ASB3: variants seen among roughly 807,000 people sequenced by gnomAD.
ASB3 encodes the protein ankyrin repeat and SOCS box protein 3.
In ASB3, 41 loss-of-function variants were observed where a neutral mutation model predicts 54.5. That is an observed-to-expected ratio of 0.75 (90% CI 0.59 to 0.98). The LOEUF is 0.98. Ranked by LOEUF, ASB3 falls within the 50% of genes least tolerant of loss-of-function variation. The pLI is 0.00. For synonymous variants in ASB3, 266 were observed against 221.2 expected, an observed-to-expected ratio of 1.20 and a Z score of -1.80; for missense variants, 733 against 620.0, an observed-to-expected ratio of 1.18 and a Z score of -1.94.
At chr2:53,761,289 T>C (rs1246743075) in intron 2 of ASB3, among the ~76,000 whole-genome samples, 1 of 152,238 alleles carries the variant, frequency 6.6e-6, no homozygotes, top group South Asian at 2.1e-4. Context: ...AGTCAAATCA[T>C]ATATCGCCTG....
At chr2:53,676,022 T>C (rs1343106226) in intron 9 of ASB3, among the ~76,000 whole-genome samples, 1 of 152,170 alleles carries the variant, frequency 6.6e-6, no homozygotes, top group Non-Finnish European at 1.5e-5. Flanking sequence ...TAGCTATTTA[T>C]CACCAAGAAA....
At chr2:53,682,153 C>A (rs1294739382) in intron 9 of ASB3, among the ~76,000 whole-genome samples, 1 of 146,012 alleles carries the variant, frequency 6.8e-6, no homozygotes, top group Non-Finnish European at 1.5e-5. Context: ...AAACGAGACT[C>A]CGTCTCAAAA....
At chr2:53,713,642 G>A (rs1282909245) in intron 7 of ASB3, among the ~76,000 whole-genome samples, 4 of 152,158 alleles carry the variant, frequency 2.6e-5, no homozygotes, top group East Asian at 1.9e-4. Context: ...GCCAGGCATC[G>A]TGGCTCATGC....
At chr2:53,715,179 TAGAG>T (rs2103838678) in intron 6 of ASB3, among the ~76,000 whole-genome samples, 1 of 152,282 alleles carries the variant, frequency 6.6e-6, no homozygotes, top group South Asian at 2.1e-4. Flanking sequence ...GGCTCCTAGG[TAGAG>T]AAAGTTCTAA....
intron 3 of ASB3, among the ~76,000 whole-genome samples, chr2:53,749,982 A>C (rs1672430093): frequency 6.6e-6 from 1 of 152,128 alleles, no homozygotes; most frequent in Admixed American, 6.5e-5. Flanking sequence ...AAGTACTTTC[A>C]CAGACAACTC....
At chr2:53,782,306 CA>C (rs1183874648) in intron 1 of ASB3, among the ~76,000 whole-genome samples, 1 of 152,168 alleles carries the variant, frequency 6.6e-6, no homozygotes, top group Non-Finnish European at 1.5e-5. Flanking sequence ...GAAGAGAAAG[CA>C]GGTAGGATTA....
chr2:53,747,252 G>C (rs1672275593), intron 3 of ASB3, among the ~76,000 whole-genome samples: 1 of 152,082 alleles, frequency 6.6e-6, no homozygotes, highest in South Asian at 2.1e-4. Flanking sequence ...GTTCCATAAA[G>C]AAAAAGAATA....
chr2:53,687,058 A>G (rs1418050063), intron 9 of ASB3, among the ~76,000 whole-genome samples: 1 of 152,174 alleles, frequency 6.6e-6, no homozygotes, highest in Non-Finnish European at 1.5e-5. Context: ...ACATGCTGAT[A>G]ACTTTAAAAT....
chr2:53,781,691 CTCCAGGTTGG>C (rs1674659404), intron 1 of ASB3, among the ~76,000 whole-genome samples: 1 of 151,968 alleles, frequency 6.6e-6, no homozygotes, highest in South Asian at 2.1e-4. Context: ...GACAGGGTTT[CTCCAGGTTGG>C]TCAGGCTGGT....
chr2:53,768,548 T>C (rs1673663634), intron 1 of ASB3, among the ~76,000 whole-genome samples: 1 of 152,234 alleles, frequency 6.6e-6, no homozygotes, highest in South Asian at 2.1e-4. Flanking sequence ...ACACACAGGA[T>C]TGCAGAATGA....
At chr2:53,766,739 A>AT (rs1553382564) in intron 1 of ASB3, among the ~76,000 whole-genome samples, 2 of 152,198 alleles carry the variant, frequency 1.3e-5, no homozygotes, top group Non-Finnish European at 2.9e-5. Flanking sequence ...GTTAGCAACC[A>AT]TATCAGGCAA....
At chr2:53,671,503 T>C (rs933045251) in intron 9 of ASB3, among the ~76,000 whole-genome samples, 1 of 152,126 alleles carries the variant, frequency 6.6e-6, no homozygotes, top group African/African-American at 2.4e-5. Flanking sequence ...CTCATGCCTG[T>C]AATCCCAGTA....
chr2:53,766,251 T>A (rs898092884), intron 1 of ASB3, among the ~76,000 whole-genome samples: 1 of 152,176 alleles, frequency 6.6e-6, no homozygotes, highest in Non-Finnish European at 1.5e-5. Flanking sequence ...GCCCAGAAAG[T>A]TCTTAACAGA....
At chr2:53,754,027 C>T (rs1284234747) in intron 2 of ASB3, among the ~76,000 whole-genome samples, 3 of 152,036 alleles carry the variant, frequency 2.0e-5, no homozygotes, top group Non-Finnish European at 4.4e-5. Context: ...AGGTGGGAAA[C>T]ATACAAAGAG....
intron 3 of ASB3, among the ~76,000 whole-genome samples, chr2:53,741,850 A>G (rs1405387883): frequency 6.6e-6 from 1 of 152,216 alleles, no homozygotes; most frequent in Non-Finnish European, 1.5e-5. Context: ...TAGTAAAACT[A>G]TAATTCTAGT....
At chr2:53,677,121 C>G (rs1047804740) in intron 9 of ASB3, among the ~76,000 whole-genome samples, 1 of 152,080 alleles carries the variant, frequency 6.6e-6, no homozygotes, top group Non-Finnish European at 1.5e-5. Context: ...AAATACTTAC[C>G]AATGTGTTAC....
At chr2:53,752,383 G>A (rs1672563330) in intron 2 of ASB3, among the ~76,000 whole-genome samples, 1 of 152,136 alleles carries the variant, frequency 6.6e-6, no homozygotes, top group African/African-American at 2.4e-5. Flanking sequence ...GCTAAAAAAG[G>A]GGGTCCTGCC....
Position 53,774,117 on chromosome 2 carries a change from G to A in ASB3, c.-13-8532C>T, listed in dbSNP as rs1674154916. ...TATTTTAATTAGCCTTATAATACCA[G>A]TGTATTCTTTTCATTTTTCAACAGG... is the stretch of plus-strand genomic sequence containing the variant. On this transcript the variant is annotated intron_variant, in intron 1 of 9. Coordinates refer to ENST00000263634, the MANE Select transcript of ASB3 (RefSeq NM_016115.5). 3 of 1,565,370 alleles carry A rather than the reference G, an allele frequency of 1.9e-6. No individual in the cohort carries two copies. The African/African-American group carries it at 4.1e-5, about 21-fold the overall frequency.
At chr2:53,768,457 A>G (rs1673655104) in intron 1 of ASB3, among the ~76,000 whole-genome samples, 1 of 152,248 alleles carries the variant, frequency 6.6e-6, no homozygotes, top group South Asian at 2.1e-4. Flanking sequence ...TCTGCATTCT[A>G]GCCGACTTTC....
Sources: gnomAD v4.1 joint callset for allele counts (sites outside exome capture counted in the v4.1 genomes callset) on GRCh38, gnomAD v4.1.1 for gene constraint, MANE v1.5 for transcripts, NCBI Gene and HGNC (gene_info 2026-07-23, HGNC 2026-07-21) for gene names.